ARID3A: variants seen among roughly 807,000 people sequenced by gnomAD.
ARID3A encodes the protein AT-rich interactive domain-containing protein 3A.
A neutral mutation model predicts 52.7 loss-of-function variants in ARID3A; 11 were observed. The ratio of observed to expected loss-of-function variants is 0.21; its 90% CI spans 0.13 to 0.35. The LOEUF is 0.35. Ranked by LOEUF, ARID3A falls within the 10% of genes least tolerant of loss-of-function variation. ARID3A has a pLI of 1.00. For missense variants in ARID3A, 721 were observed against 838.5 expected (o/e 0.86, Z 1.73); for synonymous variants, 404 against 359.4 (o/e 1.12, Z -1.40).
At chr19:933,337 G>A (rs975778053) in intron 3 of ARID3A, among the ~76,000 whole-genome samples, 2 of 152,178 alleles carry the variant, frequency 1.3e-5, no homozygotes, top group Non-Finnish European at 2.9e-5. Flanking sequence ...GGAAGTAGGG[G>A]CCGCCCCAGC....
Position 929,926 on chromosome 19 carries a change from G to C in ARID3A, c.368+30G>C, listed in dbSNP as rs759475674. ...GTTGGGGTCTGGGGCAGGGCCTTCT[G>C]GGGGCTGTTACTGGCTCTGAGTGTC... On this transcript the variant is annotated intron_variant, in intron 2 of 8. Transcript: ENST00000263620. The surrounding 1 kb of genome is among the most constrained non-coding windows in gnomAD (Gnocchi z 6.2). 1 of 1,536,698 alleles carries C rather than the reference G, an allele frequency of 6.5e-7. No individual in the cohort carries two copies. The highest frequency in any genetic ancestry group is 8.7e-7 in the Non-Finnish European group (1 of 1,146,538).
Position 929,246 on chromosome 19 carries a change from CT to C in ARID3A, c.-267-10del. On this transcript the variant is annotated splice_polypyrimidine_tract_variant and intron_variant, in intron 1 of 8. Coordinates refer to ENST00000263620, the MANE Select transcript of ARID3A (RefSeq NM_005224.3). The surrounding 1 kb of genome is among the most constrained non-coding windows in gnomAD (Gnocchi z 6.2). ...GAGCTCAGGCCTGCTCTGACTGTGC[CT>C]TTTTTCCCCCTCAGGTTTCTGCAAA... 1.0e-4 allele frequency: 23 copies of C among 221,962 alleles called. No homozygotes were observed. The highest frequency in any genetic ancestry group is 2.9e-4 in the East Asian group (3 of 10,406). The allele number at this position is 221,962 out of a possible 1,614,324, so 13.7% of individuals were successfully genotyped here.
chr19:973,015 C>T lies in ARID3A; in HGVS notation c.*950C>T, dbSNP rs1473586445. 2.5e-5 allele frequency: 5 copies of T among 200,304 alleles called. No individual in the cohort carries two copies. The highest frequency in any genetic ancestry group is 4.1e-5 in the Non-Finnish European group (4 of 97,546). 12.4% of individuals were successfully genotyped at this position (200,304 alleles called of 1,614,324 possible). Reference sequence around the variant, plus strand: ...GCTGGGGTCCCACCGGCCAGGGGCCCCTGACAGTGAATTGCTGACTGTGAT... The same window carrying T: ...GCTGGGGTCCCACCGGCCAGGGGCCTCTGACAGTGAATTGCTGACTGTGAT... On this transcript the variant is annotated 3_prime_UTR_variant, in exon 9 of 9. Transcript: ENST00000263620.
In ARID3A at chr19:954,212, G is replaced by A. The variant is rs573937489; in HGVS notation, c.694-5880G>A. Among the ~76,000 whole-genome samples the A allele has an allele frequency of 9.7e-4, 147 of 152,298 alleles. 1 individual carries two copies. The highest frequency in any genetic ancestry group is 3.5e-3 in the African/African-American group (145 of 41,572). ...CCACCCAACTGCTGAGTGGGGAAGGGTCTGGCAGGAGGGGCGGCCGGGGGA... is the reference window on the plus strand; with the variant it reads ...CCACCCAACTGCTGAGTGGGGAAGGATCTGGCAGGAGGGGCGGCCGGGGGA... On this transcript the variant is annotated intron_variant, in intron 3 of 8. Transcript: ENST00000263620.
At chr19:958,485 T>C (rs1317356193) in intron 3 of ARID3A, among the ~76,000 whole-genome samples, 1 of 151,004 alleles carries the variant, frequency 6.6e-6, no homozygotes, top group Non-Finnish European at 1.5e-5. Context: ...GTTCAAGCAC[T>C]GGATTCCCAG....
At chr19:933,723 C>T (rs1190029783) in intron 3 of ARID3A, among the ~76,000 whole-genome samples, 4 of 152,054 alleles carry the variant, frequency 2.6e-5, no homozygotes, top group Admixed American at 2.0e-4. Context: ...GCTTAAGGGG[C>T]GGCCCTAACC....
intron 3 of ARID3A, among the ~76,000 whole-genome samples, chr19:934,799 G>C (rs1446515944): frequency 6.6e-6 from 1 of 152,182 alleles, no homozygotes; most frequent in Non-Finnish European, 1.5e-5. Context: ...CTAGAGAAGG[G>C]CTTTCACGGT....
intron 3 of ARID3A, among the ~76,000 whole-genome samples, chr19:948,303 C>T (rs2037729613): frequency 6.6e-6 from 1 of 151,910 alleles, no homozygotes; most frequent in Non-Finnish European, 1.5e-5. Flanking sequence ...CTGGCAGAAA[C>T]GCTGTGGACT....
intron 3 of ARID3A, among the ~76,000 whole-genome samples, chr19:934,644 C>G (rs904007848): frequency 6.6e-6 from 1 of 152,072 alleles, no homozygotes; most frequent in African/African-American, 2.4e-5. Flanking sequence ...GACTAAAGCT[C>G]GGCTTGTGTG....
intron 4 of ARID3A, chr19:961,888 T>C (rs1683586): frequency 0.95 from 144,187 of 152,300 alleles, 68,417 homozygotes; most frequent in East Asian, 1. Flanking sequence ...CACTGCACTC[T>C]AGCCTGGGTG....
chr19:969,158 G>T (rs1243625942), intron 8 of ARID3A, among the ~76,000 whole-genome samples: 2 of 151,906 alleles, frequency 1.3e-5, no homozygotes, highest in South Asian at 4.2e-4. Context: ...TACATAGTAG[G>T]TATATATATT....
rs763167304 is a variant in ARID3A, at chr19:964,476, A to C, written c.950+45A>C. 6.8e-5 allele frequency: 104 copies of C among 1,527,280 alleles called. No homozygotes were observed. Among genetic ancestry groups the C allele is most frequent in the Non-Finnish European group, 8.8e-7 (1 of 1,133,354 alleles). 94.6% of individuals were successfully genotyped at this position (1,527,280 alleles called of 1,614,324 possible). On this transcript the variant is annotated intron_variant, in intron 5 of 8. Coordinates refer to ENST00000263620, the MANE Select transcript of ARID3A (RefSeq NM_005224.3). This position sits in a 1 kb window ranked among gnomAD's most constrained non-coding sequence, Gnocchi z 5.7. Reference sequence around the variant, plus strand: ...GCCGAGGTCGGGCCAGGGCACTCTGAGCAGCCAGTGCAAGGGGCCTGCAGA... The same window carrying C: ...GCCGAGGTCGGGCCAGGGCACTCTGCGCAGCCAGTGCAAGGGGCCTGCAGA...
Position 960,170 on chromosome 19 carries a change from C to G in ARID3A, c.766+6C>G. On this transcript the variant is annotated splice_donor_region_variant and intron_variant, in intron 4 of 8. Coordinates refer to ENST00000263620, the MANE Select transcript of ARID3A (RefSeq NM_005224.3). This position sits in a 1 kb window ranked among gnomAD's most constrained non-coding sequence, Gnocchi z 4.3. ...CAGCTTCATGCAGAAGCGAGGTGAG[C>G]CCTCTGCCCCCACCCCGCTGGAGGG... is the stretch of plus-strand genomic sequence containing the variant. 2 of 1,608,162 alleles carry G rather than the reference C, an allele frequency of 1.2e-6. No individual in the cohort carries two copies. The highest frequency in any genetic ancestry group is 1.7e-6 in the Non-Finnish European group (2 of 1,176,434).
At chr19:926,190 C>T (rs924223385) in intron 1 of ARID3A, 131 bp downstream of exon 1, 37 of 150,932 alleles carry the variant, frequency 2.5e-4, no homozygotes, top group African/African-American at 7.3e-4. Context: ...TACGAGCCGC[C>T]CTGCGCGGTA....
chr19:964,794 T>G lies in ARID3A; in HGVS notation c.951-39T>G. 1 of 1,596,490 alleles carries G rather than the reference T, an allele frequency of 6.3e-7. No individual in the cohort carries two copies. The highest frequency in any genetic ancestry group is 8.6e-7 in the Non-Finnish European group (1 of 1,168,264). On this transcript the variant is annotated intron_variant, in intron 5 of 8. Transcript: ENST00000263620. The surrounding 1 kb of genome is among the most constrained non-coding windows in gnomAD (Gnocchi z 5.7). ...TGAAGGCCAAAGAGAGCCGTAGGGG[T>G]GACCCGGGTGCCATCCTCTTCCCTC... is the stretch of plus-strand genomic sequence containing the variant.
chr19:934,943 G>A (rs2037408119), intron 3 of ARID3A, among the ~76,000 whole-genome samples: 1 of 152,134 alleles, frequency 6.6e-6, no homozygotes, highest in Non-Finnish European at 1.5e-5. Context: ...TTCGTGGCAG[G>A]TCCAGCCGCC....
At chr19:958,559 C>T (rs2037971620) in intron 3 of ARID3A, among the ~76,000 whole-genome samples, 1 of 152,172 alleles carries the variant, frequency 6.6e-6, no homozygotes, top group South Asian at 2.1e-4. Flanking sequence ...CGTGTTGACA[C>T]TTTGGTCAAC....
rs1482014743 is a variant in ARID3A at position 929,381 on chromosome 19, T to G, written c.-148T>G. Reference sequence around the variant, plus strand: ...CCCGGCGGCCCCCGCCCCCGCCCCCTGCCACCCTGCACTGCCCCGGCTCCC... The same window carrying G: ...CCCGGCGGCCCCCGCCCCCGCCCCCGGCCACCCTGCACTGCCCCGGCTCCC... On this transcript the variant is annotated 5_prime_UTR_variant, in exon 2 of 9. Transcript: ENST00000263620. The surrounding 1 kb of genome is among the most constrained non-coding windows in gnomAD (Gnocchi z 6.2). The G allele has an allele frequency of 2.6e-5, 4 of 153,816 alleles. No individual in the cohort carries two copies. Among genetic ancestry groups the G allele is most frequent in the Non-Finnish European group, 3.8e-5 (4 of 104,866 alleles). 9.5% of individuals were successfully genotyped at this position (153,816 alleles called of 1,614,324 possible). A position where few individuals can be genotyped will look rare whatever the true frequency, so the allele number is the denominator to read the frequency against.
At position 973,532 on chromosome 19, in the gene ARID3A, G is replaced by C; in HGVS notation, c.*1467G>C. 4.5e-6 allele frequency: 1 copy of C among 222,686 alleles called. No homozygotes were observed. The highest frequency in any genetic ancestry group is 9.0e-6 in the Non-Finnish European group (1 of 111,330). 13.8% of individuals were successfully genotyped at this position (222,686 alleles called of 1,614,324 possible). On this transcript the variant is annotated 3_prime_UTR_variant, in exon 9 of 9. Transcript: ENST00000263620. The stretch of plus-strand genomic sequence containing the variant: ...AGGGATGAATGTGGCGTCTCATTGG[G>C]ATTCTTCTCTTGCCCGAAAGGGCTG...
Sources: allele counts gnomAD v4.1 joint callset (sites outside exome capture counted in the v4.1 genomes callset), GRCh38; gene constraint gnomAD v4.1.1; non-coding constraint Gnocchi (gnomAD v3.1); transcripts MANE v1.5; gene names NCBI Gene and HGNC (gene_info 2026-07-23, HGNC 2026-07-21).